The following DYNLRB1 variants were observed in gnomAD, a reference collection of about 807,000 sequenced individuals.
The protein encoded by DYNLRB1 is dynein light chain roadblock-type 1.
A neutral mutation model predicts 13.5 loss-of-function variants in DYNLRB1; 6 were observed. That is an observed-to-expected ratio of 0.44 (90% CI 0.24 to 0.88). DYNLRB1 has a LOEUF of 0.88. Among genes scored for constraint, DYNLRB1 ranks in the 40% least tolerant of loss-of-function variants. The pLI is 0.21. For missense variants in DYNLRB1, 93 were observed against 127.2 expected, an observed-to-expected ratio of 0.73 and a Z score of 1.29; for synonymous variants, 43 against 45.0, an observed-to-expected ratio of 0.96 and a Z score of 0.18.
rs1267421125 is a variant in DYNLRB1 at position 34,526,353 on chromosome 20, C to G, written c.79+10C>G. On this transcript the variant is annotated intron_variant, in intron 2 of 3. Coordinates refer to ENST00000357156, the MANE Select transcript of DYNLRB1 (RefSeq NM_014183.4). ...GTCGTGAACACAGAAGGTACGCCCT[C>G]CCTCCCGCCATGACCCGCACCCAGG... 3.7e-6 allele frequency: 6 copies of G among 1,613,398 alleles called. No individual in the cohort carries two copies. In the South Asian group the frequency reaches 4.4e-5, roughly 12 times the overall value.
chr20:34,524,412 T>G (rs1022327308), intron 1 of DYNLRB1, among the ~76,000 whole-genome samples: 2 of 152,202 alleles, frequency 1.3e-5, no homozygotes, highest in African/African-American at 4.8e-5. Flanking sequence ...TCCCTAATTG[T>G]TAGGCATTTT....
At chr20:34,520,044 G>A (rs1359762365) in intron 1 of DYNLRB1, among the ~76,000 whole-genome samples, 2 of 152,112 alleles carry the variant, frequency 1.3e-5, no homozygotes, top group Non-Finnish European at 2.9e-5. Context: ...CACTAGAATC[G>A]CTTGAACCCG....
At chr20:34,538,452 A>G (rs1415290050) in intron 3 of DYNLRB1, among the ~76,000 whole-genome samples, 1 of 152,084 alleles carries the variant, frequency 6.6e-6, no homozygotes, top group Non-Finnish European at 1.5e-5. Context: ...AAAACAAAAA[A>G]AACAGACTTC....
chr20:34,540,212 G>C (rs1981470303), intron 3 of DYNLRB1, among the ~76,000 whole-genome samples: 1 of 152,188 alleles, frequency 6.6e-6, no homozygotes, highest in African/African-American at 2.4e-5. Context: ...TGGGATGCCT[G>C]CTAGCTTGAC....
At chr20:34,538,221 G>A (rs916393185) in intron 3 of DYNLRB1, among the ~76,000 whole-genome samples, 11 of 143,456 alleles carry the variant, frequency 7.7e-5, no homozygotes, top group Non-Finnish European at 1.5e-4. Flanking sequence ...TCCCACCTCA[G>A]CCTCCCAAAG....
In DYNLRB1 at chr20:34,536,463, G is replaced by A. The variant is rs1048262479; in HGVS notation, c.247+1668G>A. On this transcript the variant is annotated intron_variant, in intron 3 of 3. Transcript: ENST00000357156. ...AGCTTCACTCCCCAAAAGTCGGGCC[G>A]GGATGGAGCGCAGTGGCTCACGCCT... 2.8e-5 allele frequency: 28 copies of A among 985,372 alleles called. No homozygotes were observed. The East Asian group carries it at 3.4e-4, about 12-fold the overall frequency. The allele number at this position is 985,372 out of a possible 1,614,324, so 61.0% of individuals were successfully genotyped here. A position where few individuals can be genotyped will look rare whatever the true frequency, so the allele number is the denominator to read the frequency against.
chr20:34,537,848 C>G (rs1228556937), intron 3 of DYNLRB1, among the ~76,000 whole-genome samples: 3 of 152,210 alleles, frequency 2.0e-5, no homozygotes, highest in African/African-American at 7.2e-5. Flanking sequence ...TGCCTTCCCA[C>G]CTGCCTGACC....
rs757779078 is a variant in DYNLRB1 at position 34,526,336 on chromosome 20, C to T, written c.72C>T (p.Asn24=). The T allele has an allele frequency of 1.2e-6, 2 of 1,614,026 alleles. No individual in the cohort carries two copies. The highest frequency in any genetic ancestry group is 1.7e-6 in the Non-Finnish European group (2 of 1,179,994). The change falls in exon 2 of 4, where the codon AAC becomes AAT. Residue 24 remains asparagine (N), a synonymous_variant. Transcript: ENST00000357156. ...QKGVQGIIVV[N]TEGIPIKSTM... ...GAGTGCAGGGAATCATCGTCGTGAA[C>T]ACAGAAGGTACGCCCTCCCTCCCGC...
chr20:34,537,982 A>G (rs1981285804), intron 3 of DYNLRB1, among the ~76,000 whole-genome samples: 4 of 55,398 alleles, frequency 7.2e-5, no homozygotes, highest in Admixed American at 2.0e-4. Flanking sequence ...CCACGTGAAC[A>G]GGCTTTTTTT....
chr20:34,516,972 T>G, intron 1 of DYNLRB1: 1 of 1,315,730 alleles, frequency 7.6e-7, no homozygotes, highest in Non-Finnish European at 9.7e-7. Context: ...TGGAGATGGA[T>G]TTGAACCCTA....
At chr20:34,538,124 A>ATT (rs538105358) in intron 3 of DYNLRB1, among the ~76,000 whole-genome samples, 5,570 of 79,982 alleles carry the variant, frequency 0.07, 619 homozygotes, top group Non-Finnish European at 0.085. Flanking sequence ...CACACCCAGC[A>ATT]TTTTTTTTTT....
Position 34,516,473 on chromosome 20 carries a change from C to G in DYNLRB1, c.3+12C>G, listed in dbSNP as rs775109875. 7 of 1,612,374 alleles carry G rather than the reference C, an allele frequency of 4.3e-6. No individual in the cohort carries two copies. Among genetic ancestry groups the G allele is most frequent in the Non-Finnish European group, 5.9e-6 (7 of 1,179,088 alleles). Reference sequence around the variant, plus strand: ...ATCGGTCGGAAATGGTGAGCGTGCGCCGGGGTCTTGTGGCTGGCGGCCGCC... The same window carrying G: ...ATCGGTCGGAAATGGTGAGCGTGCGGCGGGGTCTTGTGGCTGGCGGCCGCC... On this transcript the variant is annotated intron_variant, in intron 1 of 3. Coordinates refer to ENST00000357156, the MANE Select transcript of DYNLRB1 (RefSeq NM_014183.4).
chr20:34,532,964 C>T (rs556225315), intron 2 of DYNLRB1, among the ~76,000 whole-genome samples: 3 of 152,306 alleles, frequency 2.0e-5, no homozygotes, highest in Admixed American at 6.5e-5. Context: ...AAGCTGGCCA[C>T]TTCTATGTGA....
intron 1 of DYNLRB1, among the ~76,000 whole-genome samples, chr20:34,521,203 G>A (rs930320103): frequency 5.9e-5 from 9 of 151,986 alleles, no homozygotes; most frequent in Non-Finnish European, 1.3e-4. Context: ...GTAGAGACAG[G>A]GTTTCCCCAT....
chr20:34,527,417 G>T (rs568925014), intron 2 of DYNLRB1, among the ~76,000 whole-genome samples: 1 of 152,210 alleles, frequency 6.6e-6, no homozygotes, highest in Non-Finnish European at 1.5e-5. Flanking sequence ...AATGAACAGC[G>T]TAAAGCATTT....
chr20:34,527,616 C>T (rs1460115580), intron 2 of DYNLRB1, among the ~76,000 whole-genome samples: 1 of 152,168 alleles, frequency 6.6e-6, no homozygotes, highest in Non-Finnish European at 1.5e-5. Flanking sequence ...GCTTTCCAGG[C>T]CTCTGCACCA....
rs1266991996 is a variant in DYNLRB1 at position 34,528,026 on chromosome 20, T to TTTACAAAAATAACATA, written c.79+1683_79+1684insTTACAAAAATAACATA. 9.3e-4 allele frequency among the ~76,000 whole-genome samples: 125 copies of TTTACAAAAATAACATA among 134,862 alleles called. 7 individuals are homozygous for TTTACAAAAATAACATA. Among genetic ancestry groups the TTTACAAAAATAACATA allele is most frequent in the Middle Eastern group, 7.8e-3 (2 of 258 alleles). The allele number at this position is 134,862 out of a possible 152,430, so 88.5% of individuals were successfully genotyped here. A position where few individuals can be genotyped will look rare whatever the true frequency, so the allele number is the denominator to read the frequency against. ...CAATTTAAAAACTACCCTACTGGAG[T>TTTACAAAAATAACATA]AGCCGGCCGGGCGCGGTGGCTCACG... On this transcript the variant is annotated intron_variant, in intron 2 of 3. Transcript: ENST00000357156.
intron 3 of DYNLRB1, among the ~76,000 whole-genome samples, chr20:34,540,328 A>T (rs1600557424): frequency 6.6e-6 from 1 of 152,264 alleles, no homozygotes; most frequent in African/African-American, 2.4e-5. Context: ...CGTGGGGAGG[A>T]TTAGAAGAGA....
At chr20:34,535,975 C>G in intron 3 of DYNLRB1, 1 of 985,272 alleles carries the variant, frequency 1.0e-6, no homozygotes, top group Non-Finnish European at 1.2e-6. Context: ...TCAGCCACTC[C>G]CTGCAGCAGA....
Sources: gnomAD v4.1 joint callset for allele counts (sites outside exome capture counted in the v4.1 genomes callset) on GRCh38, gnomAD v4.1.1 for gene constraint, MANE v1.5 for transcripts, NCBI Gene and HGNC (gene_info 2026-07-23, HGNC 2026-07-21) for gene names.